Variants in SLC41A2 observed in about 807,000 individuals in gnomAD.
The protein encoded by SLC41A2 is solute carrier family 41 member 2.
SLC41A2 carries 32 observed loss-of-function variants against 58.3 expected under a neutral mutation model. The ratio of observed to expected loss-of-function variants is 0.55; its 90% CI spans 0.41 to 0.74. SLC41A2 has a LOEUF of 0.74. Ranked by LOEUF, SLC41A2 falls within the 30% of genes least tolerant of loss-of-function variation. The pLI is 0.00. For synonymous variants in SLC41A2, 190 were observed against 235.0 expected (o/e 0.81, Z 1.75); for missense variants, 514 against 680.6 (o/e 0.76, Z 2.72).
rs1179927192 is a variant in SLC41A2, at chr12:104,958,129, G to A, written c.-209C>T. 2.0e-5 allele frequency: 3 copies of A among 152,290 alleles called. No individual in the cohort carries two copies. The highest frequency in any genetic ancestry group is 7.2e-5 in the African/African-American group (3 of 41,512). The allele number at this position is 152,290 out of a possible 1,614,324, so 9.4% of individuals were successfully genotyped here. Reference sequence around the variant, plus strand: ...CGGCGGCAGCGGCCGGTGTGAGAAGGGTCCCCGTCTCCTCAGACCAGACCG... The same window carrying A: ...CGGCGGCAGCGGCCGGTGTGAGAAGAGTCCCCGTCTCCTCAGACCAGACCG... On this transcript the variant is annotated 5_prime_UTR_variant, in exon 1 of 11. Coordinates refer to ENST00000258538, the MANE Select transcript of SLC41A2 (RefSeq NM_001352171.3).
chr12:104,937,731 A>C (rs1022889395), intron 1 of SLC41A2, among the ~76,000 whole-genome samples: 1 of 152,206 alleles, frequency 6.6e-6, no homozygotes, highest in African/African-American at 2.4e-5. Context: ...TGGGAGACTA[A>C]GAAATGCAGG....
At chr12:104,817,408 T>C (rs1181038847) in intron 10 of SLC41A2, among the ~76,000 whole-genome samples, 24 of 152,206 alleles carry the variant, frequency 1.6e-4, no homozygotes, top group Admixed American at 1.6e-3. Context: ...TAAAAATCTT[T>C]TTGCTAATCA....
At chr12:104,917,845 G>A (rs1444363620) in intron 2 of SLC41A2, among the ~76,000 whole-genome samples, 2 of 115,376 alleles carry the variant, frequency 1.7e-5, no homozygotes, top group East Asian at 3.0e-4. Flanking sequence ...GGGGGACGGG[G>A]TAGCATTAGG....
intron 10 of SLC41A2, among the ~76,000 whole-genome samples, chr12:104,833,873 C>T (rs540081530): frequency 1.3e-4 from 20 of 151,806 alleles, no homozygotes; most frequent in South Asian, 2.1e-4. Context: ...ATTATTTTTA[C>T]ACTTTTCAAT....
Position 104,856,873 on chromosome 12 carries a change from T to C in SLC41A2, c.1255+4418A>G, listed in dbSNP as rs530558390. Among the ~76,000 whole-genome samples, 15 of 151,888 alleles carry C rather than the reference T, an allele frequency of 9.9e-5. No individual in the cohort carries two copies. The South Asian group carries it at 2.7e-3, about 27-fold the overall frequency. On this transcript the variant is annotated intron_variant, in intron 8 of 10. Transcript: ENST00000258538. ...TGCCCTACAACAAACATTAAAGGAA[T>C]TTCTCCAGGCAGAAGGAAAATAATA...
rs554027633 is a variant in SLC41A2 at position 104,803,780 on chromosome 12, G to A, written c.*1372C>T. On this transcript the variant is annotated 3_prime_UTR_variant, in exon 11 of 11. Coordinates refer to ENST00000258538, the MANE Select transcript of SLC41A2 (RefSeq NM_001352171.3). The stretch of plus-strand genomic sequence containing the variant: ...TATAGTATATATGATTGGGTCCCAC[G>A]TAGAAATAAGCCTGTACAAATGGAT... The A allele has an allele frequency of 8.0e-4, 122 of 152,152 alleles. No homozygotes were observed. The highest frequency in any genetic ancestry group is 3.4e-3 in the Middle Eastern group (1 of 294). 9.4% of individuals were successfully genotyped at this position (152,152 alleles called of 1,614,324 possible).
At chr12:104,886,961 C>T (rs544022948) in intron 5 of SLC41A2, among the ~76,000 whole-genome samples, 2 of 152,068 alleles carry the variant, frequency 1.3e-5, no homozygotes, top group East Asian at 3.9e-4. Flanking sequence ...TTTTAAAACA[C>T]TGAAGGCCAG....
At chr12:104,876,005 C>T (rs2044024663) in intron 6 of SLC41A2, among the ~76,000 whole-genome samples, 2 of 152,236 alleles carry the variant, frequency 1.3e-5, no homozygotes, top group South Asian at 2.1e-4. Context: ...ATTTGTTCCT[C>T]ATTCAATTCT....
At chr12:104,945,314 T>A (rs12814402) in intron 1 of SLC41A2, among the ~76,000 whole-genome samples, 1,920 of 151,828 alleles carry the variant, frequency 0.013, 38 homozygotes, top group Non-Finnish European at 0.017. Flanking sequence ...TCCTGGCTAA[T>A]GCGGTGAAAC....
rs201626493 is a variant in SLC41A2 at position 104,923,952 on chromosome 12, CAAACTATGA to C, written c.555+4012_555+4020del. ...TTTCTTAGACGAGAGACATAAAACA[CAAACTATGA>C]AAAAGCAGGAGGAAAAGAACTATTT... On this transcript the variant is annotated intron_variant, in intron 2 of 10. Transcript: ENST00000258538. 9.9e-3 allele frequency among the ~76,000 whole-genome samples: 1,500 copies of C among 152,244 alleles called. 22 individuals carry two copies. The highest frequency in any genetic ancestry group is 0.034 in the African/African-American group (1,393 of 41,530).
chr12:104,854,574 A>AC lies in SLC41A2; in HGVS notation c.1255+6716_1255+6717insG, dbSNP rs1486767812. Among the ~76,000 whole-genome samples the AC allele has an allele frequency of 5.0e-3, 710 of 141,590 alleles. 4 individuals are homozygous for AC. The highest frequency in any genetic ancestry group is 7.6e-3 in the Non-Finnish European group (500 of 65,610). 92.9% of individuals were successfully genotyped at this position (141,590 alleles called of 152,430 possible). A position where few individuals can be genotyped will look rare whatever the true frequency, so the allele number is the denominator to read the frequency against. ...CCAGACTCCGTCTCAAAAAAACAAA[A>AC]AAAAAAAAACACCGCCTTAGATCAG... is the stretch of plus-strand genomic sequence containing the variant. On this transcript the variant is annotated intron_variant, in intron 8 of 10. Transcript: ENST00000258538.
Position 104,844,634 on chromosome 12 carries a change from T to G in SLC41A2, c.1388-14A>C. 1 of 1,443,788 alleles carries G rather than the reference T, an allele frequency of 6.9e-7. No homozygotes were observed. 89.4% of individuals were successfully genotyped at this position (1,443,788 alleles called of 1,614,324 possible). On this transcript the variant is annotated splice_polypyrimidine_tract_variant and intron_variant, in intron 9 of 10. Transcript: ENST00000258538. ...TATTATTTACTCCTGTAATATAAAA[T>G]GTAAAAGTAATTAAAACAAAATTAT...
At chr12:104,931,333 T>A (rs535824690) in intron 1 of SLC41A2, among the ~76,000 whole-genome samples, 1 of 152,324 alleles carries the variant, frequency 6.6e-6, no homozygotes, top group African/African-American at 2.4e-5. Context: ...TCCATGAGAT[T>A]CTAGTAGGTA....
At chr12:104,902,340 T>C (rs1195938394) in intron 3 of SLC41A2, among the ~76,000 whole-genome samples, 1 of 152,186 alleles carries the variant, frequency 6.6e-6, no homozygotes, top group South Asian at 2.1e-4. Flanking sequence ...GCAGAACTGA[T>C]AGACTGGACA....
intron 1 of SLC41A2, among the ~76,000 whole-genome samples, chr12:104,944,557 T>C (rs1441664961): frequency 6.6e-6 from 1 of 152,250 alleles, no homozygotes; most frequent in Non-Finnish European, 1.5e-5. Flanking sequence ...TCTTTACTCC[T>C]GCAATCAAGT....
chr12:104,935,403 A>T (rs2047224408), intron 1 of SLC41A2, among the ~76,000 whole-genome samples: 1 of 152,032 alleles, frequency 6.6e-6, no homozygotes, highest in Non-Finnish European at 1.5e-5. Context: ...TATGTTAGTT[A>T]TCTTGATTGA....
intron 10 of SLC41A2, among the ~76,000 whole-genome samples, chr12:104,808,150 T>C (rs1381065712): frequency 6.6e-6 from 1 of 152,202 alleles, no homozygotes; most frequent in African/African-American, 2.4e-5. Flanking sequence ...GTGCCAGTTT[T>C]CAAAGGGAAT....
chr12:104,878,436 A>G lies in SLC41A2; in HGVS notation c.1027+7857T>C, dbSNP rs1032006645. Among the ~76,000 whole-genome samples the G allele has an allele frequency of 2.0e-5, 3 of 151,432 alleles. No homozygotes were observed. The East Asian group carries it at 5.8e-4, about 29-fold the overall frequency. On this transcript the variant is annotated intron_variant, in intron 6 of 10. Transcript: ENST00000258538. Reference sequence around the variant, plus strand: ...CATTAACTCATCATTAACATTAGGTATTTCTCCCAATGCTATCCCTCCCCC... The same window carrying G: ...CATTAACTCATCATTAACATTAGGTGTTTCTCCCAATGCTATCCCTCCCCC...
intron 2 of SLC41A2, among the ~76,000 whole-genome samples, chr12:104,915,542 G>A (rs572424414): frequency 1.4e-4 from 22 of 152,290 alleles, no homozygotes; most frequent in African/African-American, 5.3e-4. Flanking sequence ...TTGTGAATGG[G>A]AGTTCACTCA....
Sources: gnomAD v4.1 joint callset for allele counts (sites outside exome capture counted in the v4.1 genomes callset) on GRCh38, gnomAD v4.1.1 for gene constraint, MANE v1.5 for transcripts, NCBI Gene and HGNC (gene_info 2026-07-23, HGNC 2026-07-21) for gene names.